ERAP1: variants seen among roughly 807,000 people sequenced by gnomAD.
The protein encoded by ERAP1 is endoplasmic reticulum aminopeptidase 1.
Under a neutral mutation model 103.7 loss-of-function variants are expected in ERAP1, and 86 were observed. The observed-to-expected ratio is 0.83, with a 90% CI of 0.70 to 0.99. ERAP1 has a LOEUF of 0.99. Among genes scored for constraint, ERAP1 ranks in the 50% least tolerant of loss-of-function variants. ERAP1 has a pLI of 0.00. For synonymous variants in ERAP1, 398 were observed against 402.4 expected (o/e 0.99, Z 0.13); for missense variants, 1,009 against 1,128.4 (o/e 0.89, Z 1.52).
the ERAP1 span, among the ~76,000 whole-genome samples, chr5:96,861,090 C>T: frequency 6.6e-6 from 1 of 151,984 alleles, no homozygotes; most frequent in African/African-American, 2.4e-5. Flanking sequence ...AAGTCTGTTT[C>T]TACAGCCTTC....
the ERAP1 span, chr5:96,896,936 A>T: frequency 5.5e-6 from 8 of 1,441,628 alleles, no homozygotes; most frequent in Non-Finnish European, 7.4e-6. Context: ...GAATGTTTAT[A>T]AATAGCTATA....
At chr5:96,858,619 T>G in the ERAP1 span, among the ~76,000 whole-genome samples, 1 of 152,238 alleles carries the variant, frequency 6.6e-6, no homozygotes, top group East Asian at 1.9e-4. Flanking sequence ...CTAAGATTTC[T>G]CTGAGCCCTA....
At chr5:96,878,316 C>T in the ERAP1 span, among the ~76,000 whole-genome samples, 1 of 152,052 alleles carries the variant, frequency 6.6e-6, no homozygotes, top group African/African-American at 2.4e-5. Flanking sequence ...AAATACCTAC[C>T]TTGACCAGCA....
At chr5:96,847,029 A>G in the ERAP1 span, among the ~76,000 whole-genome samples, 1 of 151,022 alleles carries the variant, frequency 6.6e-6, no homozygotes, top group Non-Finnish European at 1.5e-5. Flanking sequence ...GCCTGAGCTC[A>G]AGAGTTTGAG....
the ERAP1 span, chr5:96,883,714 C>T: frequency 1.4e-6 from 2 of 1,429,664 alleles, no homozygotes; most frequent in Non-Finnish European, 1.9e-6. Context: ...GTTTGATAAG[C>T]TGTTTGCTGA....
the ERAP1 span, among the ~76,000 whole-genome samples, chr5:96,888,153 TAAAAGAAAAA>T: frequency 1.0e-5 from 1 of 100,236 alleles, no homozygotes; most frequent in East Asian, 2.9e-4. Context: ...AAGAAAAGAA[TAAAAGAAAAA>T]AAAAGAAAAA....
At chr5:96,856,337 A>T in the ERAP1 span, among the ~76,000 whole-genome samples, 5 of 21,142 alleles carry the variant, frequency 2.4e-4, no homozygotes, top group Admixed American at 5.8e-4. Flanking sequence ...AAAAAAAAAA[A>T]AAAAAAAAAA....
At chr5:96,771,302 C>G (rs555490498), downstream of ERAP1, among the ~76,000 whole-genome samples, 1 of 152,194 alleles carries the variant, frequency 6.6e-6, no homozygotes, top group South Asian at 2.1e-4. Context: ...AGTGGATTTA[C>G]TGGACAGCCA....
chr5:96,762,103 A>G (rs899001624), exon 20 of ERAP1: 3 of 446,464 alleles, frequency 6.7e-6, no homozygotes, highest in African/African-American at 6.1e-5. Flanking sequence ...AAATAATACA[A>G]TAGAGAAGAA....
chr5:96,777,093 G>A (rs1774437812), intron 18 of ERAP1: 1 of 152,570 alleles, frequency 6.6e-6, no homozygotes, highest in Admixed American at 6.5e-5. Context: ...TTCATGTATT[G>A]TTGTCTCAAG....
At chr5:96,878,049 G>GT in the ERAP1 span, among the ~76,000 whole-genome samples, 1 of 152,158 alleles carries the variant, frequency 6.6e-6, no homozygotes, top group Non-Finnish European at 1.5e-5. Flanking sequence ...GAGGCAGGTG[G>GT]TAGGGTGGCA....
intron 19 of ERAP1, chr5:96,765,368 A>G: frequency 1.1e-6 from 1 of 950,752 alleles, no homozygotes; most frequent in Non-Finnish European, 1.6e-6. Flanking sequence ...CTAATAGTGA[A>G]ATTTTAATCC....
chr5:96,910,082 T>C, the ERAP1 span: 14 of 206,872 alleles, frequency 6.8e-5, no homozygotes, highest in Non-Finnish European at 1.0e-4. Context: ...CTGGCCAACA[T>C]AGTGAAGCCC....
At chr5:96,885,479 G>T in the ERAP1 span, among the ~76,000 whole-genome samples, 1 of 152,252 alleles carries the variant, frequency 6.6e-6, no homozygotes, top group South Asian at 2.1e-4. Context: ...CTTTATTGGA[G>T]CTTAGAAATA....
chr5:96,793,445 A>C lies in ERAP1; in HGVS notation c.1143T>G (p.Phe381Leu). ...TCACACTGACAGACACAAACTCCAT[A>C]AATTTGGCAAATCCTTCATTTAGCC... is the stretch of plus-strand genomic sequence containing the variant. ...DLWLNEGFAK[F>L]MEFVSVSVTH... The change falls in exon 7 of 19, where the codon TTT becomes TTG. Residue 381 changes from phenylalanine (F) to leucine (L), a missense_variant. Phe to Leu is a conservative substitution (Grantham distance 22). Transcript: ENST00000443439. 6.2e-7 allele frequency: 1 copy of C among 1,613,916 alleles called. No homozygotes were observed.
At chr5:96,915,801 A>C in the ERAP1 span, 1 of 1,479,984 alleles carries the variant, frequency 6.8e-7, no homozygotes, top group Non-Finnish European at 9.3e-7. Flanking sequence ...ACAATTTCAA[A>C]ATAAATGTTC....
the ERAP1 span, among the ~76,000 whole-genome samples, chr5:96,891,061 T>C: frequency 3.3e-5 from 5 of 152,220 alleles, no homozygotes; most frequent in African/African-American, 1.2e-4. Context: ...TTTGAAGTGC[T>C]AACGAATACT....
the ERAP1 span, among the ~76,000 whole-genome samples, chr5:96,824,382 G>A: frequency 6.6e-6 from 1 of 152,078 alleles, no homozygotes; most frequent in Non-Finnish European, 1.5e-5. Context: ...TCTTCTGCTG[G>A]CCCAGGAATC....
chr5:96,788,408 TAC>T, intron 11 of ERAP1, 121 bp downstream of exon 11: 1 of 1,191,050 alleles, frequency 8.4e-7, no homozygotes, highest in Non-Finnish European at 1.2e-6. Context: ...CTTCATAGGA[TAC>T]ACAGATGCAG....
Sources: allele counts gnomAD v4.1 joint callset (sites outside exome capture counted in the v4.1 genomes callset), GRCh38; gene constraint gnomAD v4.1.1; transcripts MANE v1.5; gene names NCBI Gene and HGNC (gene_info 2026-07-23, HGNC 2026-07-21).